The following MCOLN1 variants were observed in gnomAD, a reference collection of about 807,000 sequenced individuals.
The protein encoded by MCOLN1 is mucolipin TRP cation channel 1.
Under a neutral mutation model 70.3 loss-of-function variants are expected in MCOLN1, and 50 were observed. That is an observed-to-expected ratio of 0.71 (90% CI 0.57 to 0.90). The LOEUF (loss-of-function observed/expected upper bound fraction) is 0.90, where lower values mean the gene tolerates loss of function less well. Among genes scored for constraint, MCOLN1 ranks in the 40% least tolerant of loss-of-function variants. The pLI, the probability that MCOLN1 is intolerant of heterozygous loss-of-function variation, is 0.00. For missense variants in MCOLN1, 598 were observed against 803.5 expected (o/e 0.74, Z 3.09); for synonymous variants, 366 against 341.0 (o/e 1.07, Z -0.81).
Position 7,529,582 on chromosome 19 carries a change from C to T in MCOLN1, c.1237-8C>T. ...ACCCTCAACGAGGCTCCCTCTGCCC[C>T]AACCCAGATCCTCATCGCCACACTG... On this transcript the variant is annotated splice_polypyrimidine_tract_variant and splice_region_variant and intron_variant, in intron 10 of 13. Coordinates refer to ENST00000264079, the MANE Select transcript of MCOLN1 (RefSeq NM_020533.3). The T allele has an allele frequency of 6.2e-7, 1 of 1,613,434 alleles. No homozygotes were observed. The highest frequency in any genetic ancestry group is 1.3e-5 in the African/African-American group (1 of 75,044).
At chr19:7,527,722 G>C (rs750958405) in intron 5 of MCOLN1, 94 bp downstream of exon 5, 6 of 1,090,222 alleles carry the variant, frequency 5.5e-6, no homozygotes, top group Admixed American at 3.4e-5. Flanking sequence ...GTGGGGACAG[G>C]GCCCCCCCGC....
chr19:7,528,560 G>A lies in MCOLN1; in HGVS notation c.878-37G>A. 1 of 1,613,004 alleles carries A rather than the reference G, an allele frequency of 6.2e-7. No individual in the cohort carries two copies. Among genetic ancestry groups the A allele is most frequent in the Non-Finnish European group, 8.5e-7 (1 of 1,179,768 alleles). ...CAATGCTAGCCTCCCAAGGCTCCAT[G>A]CCATCCTTGGCCCTACCCGCTCTGC... is the stretch of plus-strand genomic sequence containing the variant. On this transcript the variant is annotated intron_variant, in intron 7 of 13. Transcript: ENST00000264079. The surrounding 1 kb of genome is among the most constrained non-coding windows in gnomAD (Gnocchi z 4.2).
At chr19:7,527,796 G>C (rs1376168713) in intron 5 of MCOLN1, 68 bp from the exon 6 acceptor site, 1 of 1,327,496 alleles carries the variant, frequency 7.5e-7, no homozygotes, top group Admixed American at 1.7e-5. Context: ...CGTGGCAGGG[G>C]ACGCTGGCAC....
At position 7,528,050 on chromosome 19, in the gene MCOLN1, C is replaced by T. The variant is rs1229364267; in HGVS notation, c.777+90C>T. On this transcript the variant is annotated intron_variant, in intron 6 of 13. Transcript: ENST00000264079. The surrounding 1 kb of genome is among the most constrained non-coding windows in gnomAD (Gnocchi z 4.2). ...CTTGGGAGCACTGGCCAAGGGCAAGCGTGCGGGTGATGAGGGAGGGAGCCC... is the reference window on the plus strand; with the variant it reads ...CTTGGGAGCACTGGCCAAGGGCAAGTGTGCGGGTGATGAGGGAGGGAGCCC... 9.9e-6 allele frequency: 15 copies of T among 1,519,274 alleles called. No homozygotes were observed. The highest frequency in any genetic ancestry group is 1.7e-5 in the Admixed American group (1 of 59,726). The allele number at this position is 1,519,274 out of a possible 1,614,324, so 94.1% of individuals were successfully genotyped here. A position where few individuals can be genotyped will look rare whatever the true frequency, so the allele number is the denominator to read the frequency against.
In MCOLN1 at chr19:7,528,062, G is replaced by A; in HGVS notation, c.778-96G>A. On this transcript the variant is annotated intron_variant, in intron 6 of 13. Coordinates refer to ENST00000264079, the MANE Select transcript of MCOLN1 (RefSeq NM_020533.3). The surrounding 1 kb of genome is among the most constrained non-coding windows in gnomAD (Gnocchi z 4.2). ...GGCCAAGGGCAAGCGTGCGGGTGAT[G>A]AGGGAGGGAGCCCGGGGTCTGTCAG... The A allele has an allele frequency of 2.6e-6, 4 of 1,525,850 alleles. No individual in the cohort carries two copies. The highest frequency in any genetic ancestry group is 2.3e-5 in the East Asian group (1 of 44,432). 94.5% of individuals were successfully genotyped at this position (1,525,850 alleles called of 1,614,324 possible).
chr19:7,532,789 C>T (rs921453149), intron 12 of MCOLN1, among the ~76,000 whole-genome samples: 123 of 152,310 alleles, frequency 8.1e-4, no homozygotes, highest in African/African-American at 2.9e-3. Context: ...CTGACTTGCA[C>T]CATCCTGTAT....
chr19:7,525,188 C>A lies in MCOLN1; in HGVS notation c.237+22C>A. ...GCAGGTGAGGCCAGCCAAGCAGGGG[C>A]CCCAGCTGAAGGCCACCTGTGGCTG... On this transcript the variant is annotated intron_variant, in intron 2 of 13. Transcript: ENST00000264079. This position sits in a 1 kb window ranked among gnomAD's most constrained non-coding sequence, Gnocchi z 4.2. 6.2e-7 allele frequency: 1 copy of A among 1,610,982 alleles called. No homozygotes were observed. The highest frequency in any genetic ancestry group is 8.5e-7 in the Non-Finnish European group (1 of 1,177,734).
chr19:7,526,194 T>C lies in MCOLN1; in HGVS notation c.238-245T>C, dbSNP rs2022564900. 6 of 585,214 alleles carry C rather than the reference T, an allele frequency of 1.0e-5. No individual in the cohort carries two copies. The Admixed American group carries it at 1.2e-4, about 11-fold the overall frequency. 36.3% of individuals were successfully genotyped at this position (585,214 alleles called of 1,614,324 possible). A position where few individuals can be genotyped will look rare whatever the true frequency, so the allele number is the denominator to read the frequency against. Reference sequence around the variant, plus strand: ...GAGATAGATGAGTCCCCACCCTGTGTTGTACGGGGGAGGACACAGTGGTGG... The same window carrying C: ...GAGATAGATGAGTCCCCACCCTGTGCTGTACGGGGGAGGACACAGTGGTGG... On this transcript the variant is annotated intron_variant, in intron 2 of 13. Transcript: ENST00000264079. The surrounding 1 kb of genome is among the most constrained non-coding windows in gnomAD (Gnocchi z 4.6).
At position 7,525,459 on chromosome 19, in the gene MCOLN1, C is replaced by A. The variant is rs1170390094; in HGVS notation, c.237+293C>A. 2 of 385,074 alleles carry A rather than the reference C, an allele frequency of 5.2e-6. No individual in the cohort carries two copies. The highest frequency in any genetic ancestry group is 1.0e-5 in the Non-Finnish European group (2 of 200,594). 23.9% of individuals were successfully genotyped at this position (385,074 alleles called of 1,614,324 possible). A position where few individuals can be genotyped will look rare whatever the true frequency, so the allele number is the denominator to read the frequency against. On this transcript the variant is annotated intron_variant, in intron 2 of 13. Transcript: ENST00000264079. This position sits in a 1 kb window ranked among gnomAD's most constrained non-coding sequence, Gnocchi z 4.2. ...CGTGAGCTGAAATCATGCCACTGCACTCCAGCCTGGGCAACAGAGCAAGAC... is the reference window on the plus strand; with the variant it reads ...CGTGAGCTGAAATCATGCCACTGCAATCCAGCCTGGGCAACAGAGCAAGAC...
At chr19:7,529,520 C>CCCAA in intron 10 of MCOLN1, 70 bp from the exon 11 acceptor site, 6 of 1,386,866 alleles carry the variant, frequency 4.3e-6, no homozygotes, top group Non-Finnish European at 5.0e-6. Flanking sequence ...CTCCCACCCC[C>CCCAA]ATCTGGGTGC....
intron 10 of MCOLN1, 91 bp from the exon 11 acceptor site, chr19:7,529,499 A>C: frequency 1.2e-5 from 12 of 1,014,162 alleles, no homozygotes; most frequent in East Asian, 2.7e-5. Context: ...GCCCTCGGCA[A>C]GGCCCCGCCC....
Position 7,533,660 on chromosome 19 carries a change from G to T in MCOLN1, c.1706+7G>T, listed in dbSNP as rs1179098814. On this transcript the variant is annotated splice_region_variant and intron_variant, in intron 13 of 13. Coordinates refer to ENST00000264079, the MANE Select transcript of MCOLN1 (RefSeq NM_020533.3). ...TTCTCTGCTGCTGCGGAAGGTTCGA[G>T]TCCCGGGTCTGGCACATTCAGATTG... is the stretch of plus-strand genomic sequence containing the variant. 6.8e-6 allele frequency: 11 copies of T among 1,613,892 alleles called. No homozygotes were observed. In the South Asian group the frequency reaches 8.8e-5, roughly 13 times the overall value.
intron 10 of MCOLN1, 67 bp from the exon 11 acceptor site, chr19:7,529,523 C>CACAG: frequency 2.6e-6 from 3 of 1,156,258 alleles, no homozygotes; most frequent in Non-Finnish European, 2.5e-6. Flanking sequence ...CCACCCCCAT[C>CACAG]TGGGTGCCCA....
chr19:7,531,565 C>T (rs984083148), intron 12 of MCOLN1, among the ~76,000 whole-genome samples: 1 of 152,202 alleles, frequency 6.6e-6, no homozygotes, highest in African/African-American at 2.4e-5. Flanking sequence ...TGGTGATCCT[C>T]AGCTGGCCCC....
In MCOLN1 at chr19:7,527,538, C is replaced by T. The variant is rs1224258189; in HGVS notation, c.590C>T (p.Pro197Leu). The stretch of plus-strand genomic sequence containing the variant: ...TCCTTAGACTGCATCCAGGTGGATC[C>T]CCCCGAGCGGCCCCCTCCGCCCCCC... Reference protein sequence around the residue: ...MVVTDCIQVDPPERPPPPPSD... With the variant: ...MVVTDCIQVDLPERPPPPPSD... Residue 197 changes from proline (P) to leucine (L), a missense_variant, in exon 5 of 14, where the codon CCC (proline) becomes CTC (leucine). Coordinates refer to ENST00000264079, the MANE Select transcript of MCOLN1 (RefSeq NM_020533.3). 1 of 1,562,620 alleles carries T rather than the reference C, an allele frequency of 6.4e-7. No homozygotes were observed. The highest frequency in any genetic ancestry group is 8.8e-7 in the Non-Finnish European group (1 of 1,132,808).
chr19:7,529,791 G>A (rs369743464), intron 11 of MCOLN1, 79 bp downstream of exon 11: 2 of 1,565,442 alleles, frequency 1.3e-6, no homozygotes, highest in Admixed American at 1.7e-5. Flanking sequence ...TGACCCCTTG[G>A]TGACTGCTGG....
Position 7,528,734 on chromosome 19 carries a change from C to T in MCOLN1, c.984+31C>T, listed in dbSNP as rs1208008413. On this transcript the variant is annotated intron_variant, in intron 8 of 13. Transcript: ENST00000264079. This position sits in a 1 kb window ranked among gnomAD's most constrained non-coding sequence, Gnocchi z 4.2. The stretch of plus-strand genomic sequence containing the variant: ...GCTTCTGCGTCATGTGTGCTGGTGT[C>T]CTCCCCGCCTGGCCCTGGGGCGATA... 6.2e-7 allele frequency: 1 copy of T among 1,614,220 alleles called. No homozygotes were observed. Among genetic ancestry groups the T allele is most frequent in the Non-Finnish European group, 8.5e-7 (1 of 1,180,026 alleles).
Position 7,525,282 on chromosome 19 carries a change from G to T in MCOLN1, c.237+116G>T. ...CGAGGCCGGTGGATCGCTTGAGGCT[G>T]GGAGTTCAAGACCAGTCTGGCCAGC... On this transcript the variant is annotated intron_variant, in intron 2 of 13. Coordinates refer to ENST00000264079, the MANE Select transcript of MCOLN1 (RefSeq NM_020533.3). The surrounding 1 kb of genome is among the most constrained non-coding windows in gnomAD (Gnocchi z 4.2). The T allele has an allele frequency of 1.1e-6, 1 of 929,340 alleles. No homozygotes were observed. The highest frequency in any genetic ancestry group is 2.6e-5 in the East Asian group (1 of 38,726). The allele number at this position is 929,340 out of a possible 1,614,324, so 57.6% of individuals were successfully genotyped here.
Position 7,524,924 on chromosome 19 carries a change from C to T in MCOLN1, c.32-37C>T, listed in dbSNP as rs781317208. The T allele has an allele frequency of 9.5e-6, 15 of 1,572,842 alleles. No homozygotes were observed. The Admixed American group carries it at 2.3e-4, about 25-fold the overall frequency. ...GGAGAAAGGGGAAAAGGGGAGTTGC[C>T]CAGGCCTCACCCCAGTGCCCTCTCC... On this transcript the variant is annotated intron_variant, in intron 1 of 13. Coordinates refer to ENST00000264079, the MANE Select transcript of MCOLN1 (RefSeq NM_020533.3). The surrounding 1 kb of genome is among the most constrained non-coding windows in gnomAD (Gnocchi z 4.1).
Sources: allele counts gnomAD v4.1 joint callset (sites outside exome capture counted in the v4.1 genomes callset), GRCh38; gene constraint gnomAD v4.1.1; non-coding constraint Gnocchi (gnomAD v3.1); transcripts MANE v1.5; gene names NCBI Gene and HGNC (gene_info 2026-07-23, HGNC 2026-07-21).